EXOC6B: variants seen among roughly 807,000 people sequenced by gnomAD.
The protein encoded by EXOC6B is exocyst complex component 6B, also known as SEC15 homolog B.
EXOC6B carries 54 observed loss-of-function variants against 113.5 expected under a neutral mutation model. The observed-to-expected ratio is 0.48, with a 90% CI of 0.38 to 0.60. The LOEUF (loss-of-function observed/expected upper bound fraction) is 0.60. EXOC6B is among the 20% of genes least tolerant of loss of function. The pLI, the probability that EXOC6B is intolerant of heterozygous loss-of-function variation, is 0.00. For missense variants in EXOC6B, 797 were observed against 977.5 expected (o/e 0.82, Z 2.46); for synonymous variants, 357 against 339.0 (o/e 1.05, Z -0.58).
intron 6 of EXOC6B, among the ~76,000 whole-genome samples, chr2:72,634,890 T>C (rs1672717448): frequency 6.6e-6 from 1 of 151,038 alleles, no homozygotes; most frequent in South Asian, 2.1e-4. Flanking sequence ...TTTAAACAAA[T>C]AGAAATCATA....
intron 6 of EXOC6B, among the ~76,000 whole-genome samples, chr2:72,579,821 T>C (rs1365764423): frequency 2.0e-5 from 3 of 152,074 alleles, no homozygotes; most frequent in Admixed American, 6.5e-5. Context: ...AATAAGAAAC[T>C]AGTTGAAAAG....
At chr2:72,275,156 A>G (rs1404392524) in intron 20 of EXOC6B, among the ~76,000 whole-genome samples, 2 of 152,172 alleles carry the variant, frequency 1.3e-5, no homozygotes, top group African/African-American at 2.4e-5. Flanking sequence ...AGTAATTTGC[A>G]TATTTACTTT....
chr2:72,392,978 C>T (rs902656616), intron 18 of EXOC6B, among the ~76,000 whole-genome samples: 1 of 152,170 alleles, frequency 6.6e-6, no homozygotes, highest in Non-Finnish European at 1.5e-5. Context: ...CTAGCAGCTG[C>T]TGTCTTCAAA....
intron 6 of EXOC6B, among the ~76,000 whole-genome samples, chr2:72,685,949 G>C (rs900881335): frequency 6.6e-6 from 1 of 151,950 alleles, no homozygotes; most frequent in Non-Finnish European, 1.5e-5. Flanking sequence ...TTTTTGAAGG[G>C]GTTTATTTAT....
rs553518003 is a variant in EXOC6B, at chr2:72,604,456, G to T, written c.670-28788C>A. ...TGTTCTTTATGCACCAGGCACTATA[G>T]TAAGCAGAAAATCTGGATTATTTTA... On this transcript the variant is annotated intron_variant, in intron 6 of 21. Coordinates refer to ENST00000272427, the MANE Select transcript of EXOC6B (RefSeq NM_015189.3). 7.2e-5 allele frequency among the ~76,000 whole-genome samples: 11 copies of T among 152,262 alleles called. No individual in the cohort carries two copies. The South Asian group carries it at 2.3e-3, about 32-fold the overall frequency.
chr2:72,399,556 A>G (rs1209943152), intron 18 of EXOC6B, among the ~76,000 whole-genome samples: 2 of 152,176 alleles, frequency 1.3e-5, no homozygotes, highest in Non-Finnish European at 2.9e-5. Flanking sequence ...AGACAATACC[A>G]AACGATTCTG....
intron 5 of EXOC6B, among the ~76,000 whole-genome samples, chr2:72,726,180 C>CAAAT (rs2104754625): frequency 6.6e-6 from 1 of 152,170 alleles, no homozygotes; most frequent in South Asian, 2.1e-4. Flanking sequence ...TCAGAAGAGG[C>CAAAT]AAATCTATGG....
At chr2:72,540,661 A>ATAT (rs1198234767) in intron 8 of EXOC6B, among the ~76,000 whole-genome samples, 2 of 152,146 alleles carry the variant, frequency 1.3e-5, no homozygotes, top group Admixed American at 6.5e-5. Context: ...ATTTTCCCAA[A>ATAT]GGTAGAGGAT....
intron 6 of EXOC6B, among the ~76,000 whole-genome samples, chr2:72,702,357 T>C (rs1678428412): frequency 7.2e-6 from 1 of 138,492 alleles, no homozygotes; most frequent in Admixed American, 7.4e-5. Context: ...GTCTTTGCTA[T>C]TGTGAATAAT....
chr2:72,298,960 T>C (rs1686325821), intron 20 of EXOC6B, among the ~76,000 whole-genome samples: 1 of 152,150 alleles, frequency 6.6e-6, no homozygotes, highest in Non-Finnish European at 1.5e-5. Flanking sequence ...CGATTATGTG[T>C]CTTGGGGTTG....
intron 2 of EXOC6B, among the ~76,000 whole-genome samples, chr2:72,738,677 T>C (rs1418349387): frequency 6.6e-6 from 1 of 152,172 alleles, no homozygotes; most frequent in Non-Finnish European, 1.5e-5. Flanking sequence ...AGACGCACTA[T>C]TGAGATTCTT....
chr2:72,623,167 T>TA (rs1360995541), intron 6 of EXOC6B, among the ~76,000 whole-genome samples: 3 of 152,086 alleles, frequency 2.0e-5, no homozygotes, highest in African/African-American at 4.8e-5. Context: ...TATATAGAAA[T>TA]AAAAAAATCC....
chr2:72,341,438 T>C (rs1365715861), intron 19 of EXOC6B, among the ~76,000 whole-genome samples: 1 of 152,106 alleles, frequency 6.6e-6, no homozygotes, highest in African/African-American at 2.4e-5. Flanking sequence ...AAGAAAGACA[T>C]TCTATGGTAA....
chr2:72,383,707 C>T (rs1190287669), intron 18 of EXOC6B, among the ~76,000 whole-genome samples: 1 of 151,982 alleles, frequency 6.6e-6, no homozygotes, highest in Non-Finnish European at 1.5e-5. Flanking sequence ...CCTATGTTCA[C>T]TGCAGCACTA....
intron 6 of EXOC6B, among the ~76,000 whole-genome samples, chr2:72,638,434 A>T (rs990651991): frequency 6.6e-6 from 1 of 152,144 alleles, no homozygotes; most frequent in Non-Finnish European, 1.5e-5. Flanking sequence ...ACCGAGGGAC[A>T]AGACAACTGG....
At chr2:72,224,747 A>C (rs1681096246) in intron 20 of EXOC6B, among the ~76,000 whole-genome samples, 1 of 151,470 alleles carries the variant, frequency 6.6e-6, no homozygotes, top group African/African-American at 2.4e-5. Flanking sequence ...CTCCCACCTC[A>C]GTCTCCCAAG....
intron 6 of EXOC6B, among the ~76,000 whole-genome samples, chr2:72,687,901 G>A (rs923151440): frequency 6.6e-6 from 1 of 152,140 alleles, no homozygotes; most frequent in Non-Finnish European, 1.5e-5. Context: ...CATAGTGCAT[G>A]CTGATATCCC....
intron 19 of EXOC6B, among the ~76,000 whole-genome samples, chr2:72,354,516 C>G (rs1689858954): frequency 2.0e-5 from 3 of 152,260 alleles, no homozygotes; most frequent in African/African-American, 7.2e-5. Context: ...GTTGCTTGCC[C>G]CCACTGTTCA....
chr2:72,660,816 T>G (rs1573575195), intron 6 of EXOC6B, among the ~76,000 whole-genome samples: 1 of 142,614 alleles, frequency 7.0e-6, no homozygotes, highest in East Asian at 1.9e-4. Context: ...GCACTAAGTT[T>G]ACCTTTTTTT....
Sources: allele counts gnomAD v4.1 joint callset (sites outside exome capture counted in the v4.1 genomes callset), GRCh38; gene constraint gnomAD v4.1.1; transcripts MANE v1.5; gene names NCBI Gene and HGNC (gene_info 2026-07-23, HGNC 2026-07-21).